CDKL4: variants seen among roughly 807,000 people sequenced by gnomAD.
CDKL4 encodes the protein cyclin-dependent kinase-like 4.
CDKL4 carries 44 observed loss-of-function variants against 42.0 expected under a neutral mutation model. The observed-to-expected ratio is 1.05, with a 90% CI of 0.82 to 1.35. The LOEUF (loss-of-function observed/expected upper bound fraction) is 1.35, where lower values mean the gene tolerates loss of function less well. Ranked by LOEUF, CDKL4 falls within the 40% of genes most tolerant of loss-of-function variation. CDKL4 has a pLI of 0.00. For missense variants in CDKL4, 393 were observed against 369.9 expected, an observed-to-expected ratio of 1.06 and a Z score of -0.51; for synonymous variants, 120 against 121.6, an observed-to-expected ratio of 0.99 and a Z score of 0.09.
chr2:39,178,776 G>A (rs1675274827), intron 9 of CDKL4: 2 of 1,587,688 alleles, frequency 1.3e-6, no homozygotes, highest in South Asian at 1.1e-5. Context: ...GTGAAAAGAT[G>A]GAAGAGTCAA....
At chr2:39,170,836 T>A (rs891308500), downstream of CDKL4, among the ~76,000 whole-genome samples, 29 of 151,568 alleles carry the variant, frequency 1.9e-4, no homozygotes, top group South Asian at 6.3e-4. Context: ...TAAAAAAAAA[T>A]TTTTTTTTGA....
intron 3 of CDKL4, among the ~76,000 whole-genome samples, chr2:39,215,642 T>C (rs1460560798): frequency 7.9e-5 from 12 of 152,234 alleles, no homozygotes; most frequent in African/African-American, 2.7e-4. Context: ...AAATTGAACA[T>C]GTGCAGATGT....
chr2:39,233,312 G>A (rs1679179972), intron 1 of CDKL4, among the ~76,000 whole-genome samples: 1 of 152,118 alleles, frequency 6.6e-6, no homozygotes, highest in South Asian at 2.1e-4. Flanking sequence ...TCACTACAAG[G>A]AAGGGGTGTA....
intron 7 of CDKL4, among the ~76,000 whole-genome samples, chr2:39,185,404 GTGTATATATACATATA>G (rs1344739857): frequency 3.8e-3 from 14 of 3,650 alleles, no homozygotes; most frequent in Non-Finnish European, 0.014. Flanking sequence ...ATATACATAT[GTGTATATATACATATA>G]TATATACATA....
intron 8 of CDKL4, among the ~76,000 whole-genome samples, chr2:39,180,024 A>C (rs533604031): frequency 1.3e-5 from 2 of 152,258 alleles, no homozygotes; most frequent in East Asian, 3.9e-4. Context: ...GGGTCCTGAC[A>C]CAAAGAGGTT....
chr2:39,185,127 C>A (rs148068488), intron 7 of CDKL4, among the ~76,000 whole-genome samples: 3 of 134,368 alleles, frequency 2.2e-5, no homozygotes, highest in Non-Finnish European at 4.7e-5. Flanking sequence ...TATACACACA[C>A]ATATATATAC....
chr2:39,180,527 T>A (rs533691504), intron 8 of CDKL4, among the ~76,000 whole-genome samples: 4 of 152,196 alleles, frequency 2.6e-5, no homozygotes, highest in African/African-American at 9.6e-5. Context: ...ACAATCCTGC[T>A]CAGTAAAACT....
chr2:39,177,290 G>A (rs1454748193), intron 9 of CDKL4, among the ~76,000 whole-genome samples: 1 of 152,140 alleles, frequency 6.6e-6, no homozygotes, highest in Non-Finnish European at 1.5e-5. Context: ...GGCGAGGCAA[G>A]GCAAGGTCTG....
intron 2 of CDKL4, among the ~76,000 whole-genome samples, chr2:39,229,047 G>A (rs1678931635): frequency 6.6e-6 from 1 of 152,134 alleles, no homozygotes; most frequent in Admixed American, 6.5e-5. Flanking sequence ...TTGCTGGTTG[G>A]TAGGGGAAGT....
At chr2:39,188,494 G>A (rs145342581) in intron 6 of CDKL4, among the ~76,000 whole-genome samples, 3,250 of 148,174 alleles carry the variant, frequency 0.022, 42 homozygotes, top group Middle Eastern at 0.029. Flanking sequence ...TTTGGGAGGC[G>A]GAGGTTGCAG....
At chr2:39,170,277 C>CA in the CDKL4 span, among the ~76,000 whole-genome samples, 2,457 of 42,064 alleles carry the variant, frequency 0.058, 100 homozygotes, top group East Asian at 0.31. Flanking sequence ...ACCCTGTCTC[C>CA]AAAAAAAAAA....
At chr2:39,200,825 T>C (rs538326863) in intron 5 of CDKL4, among the ~76,000 whole-genome samples, 42 of 152,248 alleles carry the variant, frequency 2.8e-4, no homozygotes, top group Non-Finnish European at 5.6e-4. Context: ...TCTCACCTTA[T>C]ACAAAAATCA....
chr2:39,221,685 A>C (rs1443284608), intron 3 of CDKL4, among the ~76,000 whole-genome samples: 1 of 152,246 alleles, frequency 6.6e-6, no homozygotes, highest in Non-Finnish European at 1.5e-5. Context: ...TTAAGAGTGC[A>C]AAGTGGGATA....
chr2:39,211,386 A>C (rs1289000164), intron 4 of CDKL4, among the ~76,000 whole-genome samples: 3 of 152,186 alleles, frequency 2.0e-5, no homozygotes, highest in Non-Finnish European at 4.4e-5. Flanking sequence ...AGACTGTCCC[A>C]AAAATATAAT....
chr2:39,211,238 T>C (rs1677569657), intron 4 of CDKL4, among the ~76,000 whole-genome samples: 1 of 152,066 alleles, frequency 6.6e-6, no homozygotes, highest in East Asian at 1.9e-4. Flanking sequence ...AAAACAAAAA[T>C]TGGCTGAGTG....
At chr2:39,204,950 G>A (rs949467959) in intron 4 of CDKL4, among the ~76,000 whole-genome samples, 11 of 151,524 alleles carry the variant, frequency 7.3e-5, no homozygotes, top group African/African-American at 2.4e-4. Context: ...AGGCCGAGGC[G>A]GGAGGATAAC....
intron 3 of CDKL4, among the ~76,000 whole-genome samples, chr2:39,220,439 T>C (rs1309032824): frequency 6.6e-6 from 1 of 152,142 alleles, no homozygotes; most frequent in Non-Finnish European, 1.5e-5. Context: ...GAGATTTACA[T>C]AGCAAAAAGA....
intron 1 of CDKL4, among the ~76,000 whole-genome samples, chr2:39,239,146 A>G (rs1393838959): frequency 6.6e-6 from 1 of 152,228 alleles, no homozygotes; most frequent in African/African-American, 2.4e-5. Context: ...TCCATATGCA[A>G]AACAAACAAC....
At chr2:39,216,708 C>G (rs1189148928) in intron 3 of CDKL4, among the ~76,000 whole-genome samples, 3 of 152,102 alleles carry the variant, frequency 2.0e-5, no homozygotes, top group African/African-American at 7.2e-5. Flanking sequence ...GAACGCTAGT[C>G]TGGTTGGGAT....
Sources: allele counts gnomAD v4.1 joint callset (sites outside exome capture counted in the v4.1 genomes callset), GRCh38; gene constraint gnomAD v4.1.1; transcripts MANE v1.5; gene names NCBI Gene and HGNC (gene_info 2026-07-23, HGNC 2026-07-21).